The following SLC7A2 variants were observed in gnomAD, a reference collection of about 807,000 sequenced individuals.
SLC7A2 encodes cationic amino acid transporter 2.
A neutral mutation model predicts 58.9 loss-of-function variants in SLC7A2; 48 were observed. The ratio of observed to expected loss-of-function variants is 0.82; its 90% CI spans 0.65 to 1.04. The LOEUF is 1.04. SLC7A2 is among the 50% of genes least tolerant of loss of function. The pLI is 0.00. For missense variants in SLC7A2, 1,029 were observed against 818.8 expected (o/e 1.26, Z -3.13); for synonymous variants, 363 against 314.5 (o/e 1.15, Z -1.63).
In SLC7A2 at chr8:17,565,219, A is replaced by G. The variant is rs2150789282; in HGVS notation, c.*73A>G. The stretch of plus-strand genomic sequence containing the variant: ...ACTGAGTAAACCGTAACGGGATGTC[A>G]TCAGCATGCTGGGTTGTCATGGGTT... On this transcript the variant is annotated 3_prime_UTR_variant, in exon 13 of 13. Transcript: ENST00000494857. The G allele has an allele frequency of 4.1e-6, 5 of 1,212,980 alleles. No homozygotes were observed. Among genetic ancestry groups the G allele is most frequent in the South Asian group, 1.5e-5 (1 of 66,668 alleles). 75.1% of individuals were successfully genotyped at this position (1,212,980 alleles called of 1,614,324 possible). A position where few individuals can be genotyped will look rare whatever the true frequency, so the allele number is the denominator to read the frequency against.
At chr8:17,512,924 T>C (rs920675119) in intron 2 of SLC7A2, among the ~76,000 whole-genome samples, 45 of 152,320 alleles carry the variant, frequency 3.0e-4, no homozygotes, top group Admixed American at 2.9e-3. Flanking sequence ...TCACTGAACA[T>C]GATGTTCTCG....
chr8:17,494,878 AGTT>A (rs1252111177), upstream of SLC7A2, among the ~76,000 whole-genome samples: 1 of 152,218 alleles, frequency 6.6e-6, no homozygotes, highest in Admixed American at 6.5e-5. Flanking sequence ...TTAGAGATGA[AGTT>A]GTTGTTCTTA....
chr8:17,551,638 A>C (rs1563473754), intron 6 of SLC7A2, 126 bp from the exon 7 acceptor site: 1 of 716,814 alleles, frequency 1.4e-6, no homozygotes, highest in Non-Finnish European at 2.5e-6. Flanking sequence ...AGATGGACCA[A>C]GATAAGAAAA....
chr8:17,517,896 G>T (rs1800864574), intron 2 of SLC7A2, among the ~76,000 whole-genome samples: 1 of 152,038 alleles, frequency 6.6e-6, no homozygotes, highest in African/African-American at 2.4e-5. Context: ...TGGAAGAGAG[G>T]GCATGGAGTT....
chr8:17,537,242 A>G (rs990705796), intron 2 of SLC7A2, among the ~76,000 whole-genome samples: 18 of 152,140 alleles, frequency 1.2e-4, no homozygotes, highest in African/African-American at 4.1e-4. Flanking sequence ...TTTTTAGTAG[A>G]GATGGGGTTT....
intron 2 of SLC7A2, among the ~76,000 whole-genome samples, chr8:17,519,853 C>A (rs1277043084): frequency 6.9e-6 from 1 of 145,290 alleles, no homozygotes; most frequent in Non-Finnish European, 1.5e-5. Flanking sequence ...GATGTCTCCT[C>A]CATAAAACCT....
rs570211187 is a variant in SLC7A2, at chr8:17,508,145, A to T, written c.-23+5843A>T. On this transcript the variant is annotated intron_variant, in intron 2 of 12. Coordinates refer to ENST00000494857, the MANE Select transcript of SLC7A2 (RefSeq NM_001370338.1). ...TTTACTTTTTCTGATTATCATAGATAACAGATGGTTTGCACTTAGTTCAGT... is the reference window on the plus strand; with the variant it reads ...TTTACTTTTTCTGATTATCATAGATTACAGATGGTTTGCACTTAGTTCAGT... Among the ~76,000 whole-genome samples, 16 of 152,184 alleles carry T rather than the reference A, an allele frequency of 1.1e-4. No homozygotes were observed. The South Asian group carries it at 1.9e-3, about 18-fold the overall frequency.
intron 2 of SLC7A2, among the ~76,000 whole-genome samples, chr8:17,523,909 TCAG>T (rs2150695345): frequency 8.0e-6 from 1 of 125,348 alleles, no homozygotes; most frequent in South Asian, 2.4e-4. Context: ...CTCAAACAAA[TCAG>T]CAAGAAAAAA....
chr8:17,553,952 C>G (rs1239088492), intron 7 of SLC7A2, among the ~76,000 whole-genome samples: 2 of 152,176 alleles, frequency 1.3e-5, no homozygotes, highest in African/African-American at 4.8e-5. Flanking sequence ...TAACTTTTCA[C>G]TGTGGCCACA....
At chr8:17,512,265 C>A (rs1800633777) in intron 2 of SLC7A2, among the ~76,000 whole-genome samples, 1 of 152,044 alleles carries the variant, frequency 6.6e-6, no homozygotes, top group Admixed American at 6.6e-5. Context: ...AAACAGAACC[C>A]TAGGCCAGGC....
chr8:17,533,570 G>T (rs1801545019), intron 2 of SLC7A2, among the ~76,000 whole-genome samples: 1 of 152,132 alleles, frequency 6.6e-6, no homozygotes, highest in African/African-American at 2.4e-5. Flanking sequence ...GATACACTTT[G>T]GCTCTCTTTG....
rs759367282 is a variant in SLC7A2, at chr8:17,554,692, A to G, written c.1188A>G (p.Ala396=). 2.0e-5 allele frequency: 32 copies of G among 1,610,546 alleles called. No individual in the cohort carries two copies. The East Asian group carries it at 6.7e-4, about 34-fold the overall frequency. ...TPIIATLSSG[A]VAALMAFLFD... is the part of the protein sequence containing the mutation. ...TAATTGCTACTTTATCATCGGGTGCAGTGGCAGGTGAGAGAGAGTTGACTT... is the reference window on the plus strand; with the variant it reads ...TAATTGCTACTTTATCATCGGGTGCGGTGGCAGGTGAGAGAGAGTTGACTT... The change falls in exon 8 of 13, where the codon GCA becomes GCG. Residue 396 remains alanine, a synonymous_variant. Transcript: ENST00000494857.
chr8:17,511,214 C>T (rs34180289), intron 2 of SLC7A2: 70,402 of 151,866 alleles, frequency 0.46, 17,572 homozygotes, highest in South Asian at 0.62. Flanking sequence ...CGTATACCTA[C>T]GTAGCAAAGC....
intron 2 of SLC7A2, among the ~76,000 whole-genome samples, chr8:17,512,177 C>G (rs1015164196): frequency 7.9e-5 from 12 of 152,032 alleles, no homozygotes; most frequent in African/African-American, 2.9e-4. Flanking sequence ...TTCTCTGTCT[C>G]TCTATGTGGA....
intron 2 of SLC7A2, among the ~76,000 whole-genome samples, chr8:17,530,301 C>T (rs1383966051): frequency 6.6e-6 from 1 of 152,148 alleles, no homozygotes; most frequent in Non-Finnish European, 1.5e-5. Flanking sequence ...GGCCTGGGAG[C>T]CGGGACAGAG....
upstream of SLC7A2, among the ~76,000 whole-genome samples, chr8:17,495,108 T>A (rs1799925187): frequency 6.6e-6 from 1 of 152,240 alleles, no homozygotes; most frequent in Non-Finnish European, 1.5e-5. Flanking sequence ...ATTGCTTAAG[T>A]TTAAAAATAG....
At chr8:17,504,462 C>T (rs1316511258) in intron 2 of SLC7A2, among the ~76,000 whole-genome samples, 1 of 152,194 alleles carries the variant, frequency 6.6e-6, no homozygotes, top group Non-Finnish European at 1.5e-5. Flanking sequence ...TGGCGGAGCC[C>T]ATACTTGATA....
chr8:17,543,309 TC>T lies in SLC7A2; in HGVS notation c.-22-8del. Reference sequence around the variant, plus strand: ...CAGATCAGCTTCTAACCTCCTCCCTTCTGCTCAGGTCGCCTTCGTCAGACGT... The same window carrying T: ...CAGATCAGCTTCTAACCTCCTCCCTTTGCTCAGGTCGCCTTCGTCAGACGT... On this transcript the variant is annotated splice_region_variant and splice_polypyrimidine_tract_variant and intron_variant, in intron 2 of 12. Transcript: ENST00000494857. 1 of 1,590,422 alleles carries T rather than the reference TC, an allele frequency of 6.3e-7. No homozygotes were observed. Among genetic ancestry groups the T allele is most frequent in the Non-Finnish European group, 8.6e-7 (1 of 1,169,020 alleles).
At chr8:17,501,375 C>T (rs1326656782) in intron 1 of SLC7A2, among the ~76,000 whole-genome samples, 1 of 152,166 alleles carries the variant, frequency 6.6e-6, no homozygotes, top group Non-Finnish European at 1.5e-5. Flanking sequence ...TTACGCTGAC[C>T]TCACTGGTAA....
Sources: gnomAD v4.1 joint callset for allele counts (sites outside exome capture counted in the v4.1 genomes callset) on GRCh38, gnomAD v4.1.1 for gene constraint, MANE v1.5 for transcripts, NCBI Gene and HGNC (gene_info 2026-07-23, HGNC 2026-07-21) for gene names.